Variants in CDYL2 observed in about 807,000 individuals in gnomAD.
CDYL2 encodes the protein chromodomain Y like 2, also known as chromodomain Y-like protein 2.
In CDYL2, 23 loss-of-function variants were observed where a neutral mutation model predicts 49.4. That is an observed-to-expected ratio of 0.47 (90% CI 0.34 to 0.66). The LOEUF (loss-of-function observed/expected upper bound fraction) is 0.66, where lower values mean the gene tolerates loss of function less well. Among genes scored for constraint, CDYL2 ranks in the 30% least tolerant of loss-of-function variants. CDYL2 has a pLI of 0.01. For missense variants in CDYL2, 678 were observed against 656.4 expected (o/e 1.03, Z -0.36); for synonymous variants, 360 against 268.8 (o/e 1.34, Z -3.32).
intron 1 of CDYL2, among the ~76,000 whole-genome samples, chr16:80,742,738 G>A (rs986824646): frequency 1.3e-5 from 2 of 151,584 alleles, no homozygotes; most frequent in Non-Finnish European, 2.9e-5. Flanking sequence ...GGGTAGGTGG[G>A]TGAGTGAGTG....
In CDYL2 at chr16:80,737,913, G is replaced by C. The variant is rs141328713; in HGVS notation, c.25-52784C>G. Among the ~76,000 whole-genome samples, 126 of 152,256 alleles carry C rather than the reference G, an allele frequency of 8.3e-4. No individual in the cohort carries two copies. The East Asian group carries it at 0.023, about 27-fold the overall frequency. ...CTTTAAGTTCTGGGTTACATGTGCA[G>C]AACGTGCAGGTTTGTTACATAGGTA... is the stretch of plus-strand genomic sequence containing the variant. On this transcript the variant is annotated intron_variant, in intron 1 of 6. Coordinates refer to ENST00000570137, the MANE Select transcript of CDYL2 (RefSeq NM_152342.4).
chr16:80,686,376 T>C (rs888139572), intron 1 of CDYL2, among the ~76,000 whole-genome samples: 2 of 152,254 alleles, frequency 1.3e-5, no homozygotes, highest in Non-Finnish European at 2.9e-5. Flanking sequence ...ACCCTCCAAA[T>C]GCTAAATTTC....
At chr16:80,687,523 T>C (rs1910246899) in intron 1 of CDYL2, among the ~76,000 whole-genome samples, 1 of 151,880 alleles carries the variant, frequency 6.6e-6, no homozygotes, top group Admixed American at 6.6e-5. Context: ...TATGGGTGAC[T>C]AGATGGATAA....
chr16:80,728,670 G>A (rs1174950378), intron 1 of CDYL2, among the ~76,000 whole-genome samples: 1 of 151,968 alleles, frequency 6.6e-6, no homozygotes, highest in African/African-American at 2.4e-5. Flanking sequence ...TTGAAATGAA[G>A]GAAAAAATGT....
chr16:80,751,014 C>A (rs1044910289), intron 1 of CDYL2, among the ~76,000 whole-genome samples: 4 of 125,126 alleles, frequency 3.2e-5, no homozygotes, highest in African/African-American at 1.7e-4. Context: ...AGTGAGATTC[C>A]ATCTTAAAAA....
At chr16:80,658,203 AGAGGTGACCCTTCTTT>A (rs1379162133) in intron 2 of CDYL2, among the ~76,000 whole-genome samples, 1 of 152,054 alleles carries the variant, frequency 6.6e-6, no homozygotes. Context: ...GGGATGGGGA[AGAGGTGACCCTTCTTT>A]GAGGATATCT....
intron 1 of CDYL2, among the ~76,000 whole-genome samples, chr16:80,705,161 G>C (rs566254511): frequency 6.6e-6 from 1 of 152,346 alleles, no homozygotes; most frequent in African/African-American, 2.4e-5. Context: ...GCAGAAGGGA[G>C]CACCAAACAT....
At chr16:80,672,899 C>G (rs560811797) in intron 2 of CDYL2, among the ~76,000 whole-genome samples, 1 of 152,334 alleles carries the variant, frequency 6.6e-6, no homozygotes, top group South Asian at 2.1e-4. Flanking sequence ...TCATTGGGCA[C>G]TAGGAAGGCT....
chr16:80,644,587 G>A (rs559384106), intron 2 of CDYL2, among the ~76,000 whole-genome samples: 2 of 152,308 alleles, frequency 1.3e-5, no homozygotes, highest in African/African-American at 4.8e-5. Context: ...CATGCGAAAG[G>A]CACATCTCAC....
At chr16:80,747,850 C>A (rs1018718794) in intron 1 of CDYL2, among the ~76,000 whole-genome samples, 5 of 152,092 alleles carry the variant, frequency 3.3e-5, no homozygotes, top group African/African-American at 1.2e-4. Flanking sequence ...TGATTGGAAC[C>A]CTTCCTACCT....
intron 2 of CDYL2, among the ~76,000 whole-genome samples, chr16:80,653,540 TTTC>T (rs1908677195): frequency 6.6e-6 from 1 of 152,134 alleles, no homozygotes. Context: ...ATTTCTTATT[TTTC>T]TTCTTTTTAT....
At chr16:80,643,280 G>C (rs755518065) in intron 2 of CDYL2, among the ~76,000 whole-genome samples, 1 of 152,208 alleles carries the variant, frequency 6.6e-6, no homozygotes, top group Non-Finnish European at 1.5e-5. Context: ...CAAAAGGTGA[G>C]TGCCCGTGGT....
intron 1 of CDYL2, among the ~76,000 whole-genome samples, chr16:80,744,490 G>GC (rs1905857207): frequency 1.7e-5 from 2 of 114,554 alleles, no homozygotes; most frequent in Non-Finnish European, 4.2e-5. Context: ...ACCAAAAGAA[G>GC]GAAAAAAAGA....
chr16:80,788,803 G>A (rs1251602426), intron 1 of CDYL2, among the ~76,000 whole-genome samples: 1 of 152,142 alleles, frequency 6.6e-6, no homozygotes, highest in Non-Finnish European at 1.5e-5. Context: ...TTACCATAGT[G>A]TCTGGCACAT....
intron 2 of CDYL2, among the ~76,000 whole-genome samples, chr16:80,682,751 C>T (rs1300728099): frequency 1.3e-5 from 2 of 152,194 alleles, no homozygotes; most frequent in Admixed American, 6.5e-5. Context: ...GGGAACTCCG[C>T]CACCGCCAGC....
At chr16:80,689,276 T>C (rs1256350998) in intron 1 of CDYL2, among the ~76,000 whole-genome samples, 1 of 152,220 alleles carries the variant, frequency 6.6e-6, no homozygotes, top group Non-Finnish European at 1.5e-5. Flanking sequence ...ATGCTGATGC[T>C]ATTATTACCA....
At chr16:80,681,977 AC>A (rs1331781692) in intron 2 of CDYL2, among the ~76,000 whole-genome samples, 1 of 152,118 alleles carries the variant, frequency 6.6e-6, no homozygotes, top group South Asian at 2.1e-4. Context: ...TCAAGGTCCC[AC>A]CCCCCACACA....
At chr16:80,684,321 C>A (rs1910087356) in intron 2 of CDYL2, among the ~76,000 whole-genome samples, 1 of 152,172 alleles carries the variant, frequency 6.6e-6, no homozygotes, top group Non-Finnish European at 1.5e-5. Flanking sequence ...GCTGGAGCAT[C>A]AGAGGCTTAG....
chr16:80,604,675 G>T, intron 6 of CDYL2, 129 bp from the exon 7 acceptor site: 1 of 905,452 alleles, frequency 1.1e-6, no homozygotes, highest in Non-Finnish European at 1.7e-6. Context: ...CCTCCAGCCT[G>T]GGCCTTCCCA....
Sources: gnomAD v4.1 joint callset for allele counts (sites outside exome capture counted in the v4.1 genomes callset) on GRCh38, gnomAD v4.1.1 for gene constraint, MANE v1.5 for transcripts, NCBI Gene and HGNC (gene_info 2026-07-23, HGNC 2026-07-21) for gene names.